RAD18: variants seen among roughly 807,000 people sequenced by gnomAD.
The protein encoded by RAD18 is RAD18 E3 ubiquitin protein ligase, also known as E3 ubiquitin-protein ligase RAD18.
A neutral mutation model predicts 60.4 loss-of-function variants in RAD18; 47 were observed. The ratio of observed to expected loss-of-function variants is 0.78; its 90% CI spans 0.62 to 0.99. The LOEUF is 0.99. Ranked by LOEUF, RAD18 falls within the 50% of genes least tolerant of loss-of-function variation. The pLI is 0.00. For synonymous variants in RAD18, 225 were observed against 195.5 expected (o/e 1.15, Z -1.26); for missense variants, 640 against 593.3 (o/e 1.08, Z -0.82).
intron 11 of RAD18, among the ~76,000 whole-genome samples, chr3:8,893,861 T>C (rs986915798): frequency 3.3e-5 from 5 of 152,004 alleles, no homozygotes; most frequent in Non-Finnish European, 7.4e-5. Flanking sequence ...GGCTAATTTT[T>C]AAATATTTTG....
chr3:8,953,567 T>C (rs2124842837), intron 2 of RAD18, among the ~76,000 whole-genome samples: 1 of 152,310 alleles, frequency 6.6e-6, no homozygotes, highest in South Asian at 2.1e-4. Flanking sequence ...AGTTTTGAAT[T>C]CATGTATTCC....
At chr3:8,938,719 A>T (rs1940693973) in intron 6 of RAD18, among the ~76,000 whole-genome samples, 1 of 152,150 alleles carries the variant, frequency 6.6e-6, no homozygotes, top group Non-Finnish European at 1.5e-5. Context: ...CTGAAGGCTT[A>T]AACTCCTATT....
chr3:8,961,491 GT>G (rs1462087474), intron 1 of RAD18, among the ~76,000 whole-genome samples: 1 of 152,206 alleles, frequency 6.6e-6, no homozygotes, highest in East Asian at 1.9e-4. Flanking sequence ...AGACTCCAAA[GT>G]CTTTCTGTGA....
intron 7 of RAD18, among the ~76,000 whole-genome samples, chr3:8,916,094 A>G (rs1940195665): frequency 6.6e-6 from 1 of 152,250 alleles, no homozygotes; most frequent in South Asian, 2.1e-4. Context: ...ACGAAAGGTC[A>G]GCAAAAATGT....
At chr3:8,909,474 G>A (rs1212799969) in intron 9 of RAD18, among the ~76,000 whole-genome samples, 1 of 151,020 alleles carries the variant, frequency 6.6e-6, no homozygotes, top group Non-Finnish European at 1.5e-5. Flanking sequence ...ATATTTAGAA[G>A]ATAGAGACTG....
At position 8,943,834 on chromosome 3, in the gene RAD18, G is replaced by A. The variant is rs79324364; in HGVS notation, c.267-2030C>T. On this transcript the variant is annotated intron_variant, in intron 4 of 12. Transcript: ENST00000264926. Reference sequence around the variant, plus strand: ...AAACTGAACGATAGCATGAAGGGTTGCCAAAACTGTCCCTGGAGGGAAAAT... The same window carrying A: ...AAACTGAACGATAGCATGAAGGGTTACCAAAACTGTCCCTGGAGGGAAAAT... 7.0e-3 allele frequency among the ~76,000 whole-genome samples: 1,067 copies of A among 152,288 alleles called. 9 individuals are homozygous for A. The highest frequency in any genetic ancestry group is 0.023 in the African/African-American group (961 of 41,570).
In RAD18 at chr3:8,899,775, C is replaced by A. The variant is rs148245043; in HGVS notation, c.1169-728G>T. ...TTCTTTAGTGCCCAGGATTCTCCCA[C>A]TCATCATGAACGCTGCTGGGATTTT... On this transcript the variant is annotated intron_variant, in intron 10 of 12. Transcript: ENST00000264926. 3.3e-3 allele frequency among the ~76,000 whole-genome samples: 507 copies of A among 152,296 alleles called. 3 individuals are homozygous for A. The highest frequency in any genetic ancestry group is 0.012 in the African/African-American group (483 of 41,560).
intron 12 of RAD18, among the ~76,000 whole-genome samples, chr3:8,881,984 A>G (rs1167062310): frequency 6.6e-6 from 1 of 152,242 alleles, no homozygotes; most frequent in Non-Finnish European, 1.5e-5. Context: ...TTTCTTAAAT[A>G]CAGGCTAGTA....
chr3:8,940,685 A>C (rs1940732281), intron 5 of RAD18, among the ~76,000 whole-genome samples: 1 of 152,236 alleles, frequency 6.6e-6, no homozygotes, highest in African/African-American at 2.4e-5. Context: ...GATACAAAAC[A>C]GTCCAGAAAA....
intron 11 of RAD18, among the ~76,000 whole-genome samples, chr3:8,891,175 G>A (rs1428164228): frequency 6.6e-6 from 1 of 151,750 alleles, no homozygotes; most frequent in African/African-American, 2.4e-5. Flanking sequence ...ACCCTTTGGG[G>A]GTGATACTGC....
chr3:8,911,655 G>A (rs1039020128), intron 9 of RAD18, among the ~76,000 whole-genome samples: 8 of 152,100 alleles, frequency 5.3e-5, no homozygotes, highest in Non-Finnish European at 1.2e-4. Flanking sequence ...GCCCTTCAGA[G>A]TTTAAGAAAT....
chr3:8,914,302 A>C (rs1940158822), intron 7 of RAD18, among the ~76,000 whole-genome samples: 1 of 152,246 alleles, frequency 6.6e-6, no homozygotes, highest in Non-Finnish European at 1.5e-5. Flanking sequence ...ATCCAAAGTC[A>C]ATACATTAAA....
chr3:8,940,752 T>A (rs915871944), intron 5 of RAD18, among the ~76,000 whole-genome samples: 3 of 152,132 alleles, frequency 2.0e-5, no homozygotes, highest in Admixed American at 1.3e-4. Context: ...AACAAATGAA[T>A]AGTGAGGATC....
rs145569132 is a variant in RAD18 at position 8,905,227 on chromosome 3, G to A, written c.1028-2707C>T. The stretch of plus-strand genomic sequence containing the variant: ...TGGGAGTGTCCATGACTAAGTACAC[G>A]TTCAATCAACTCATTTTCTTCCAGA... On this transcript the variant is annotated intron_variant, in intron 9 of 12. Coordinates refer to ENST00000264926, the MANE Select transcript of RAD18 (RefSeq NM_020165.4). Among the ~76,000 whole-genome samples, 483 of 152,282 alleles carry A rather than the reference G, an allele frequency of 3.2e-3. 2 individuals are homozygous for A. Among genetic ancestry groups the A allele is most frequent in the Non-Finnish European group, 4.7e-3 (319 of 68,018 alleles).
chr3:8,929,214 A>T (rs1575551628), intron 7 of RAD18, among the ~76,000 whole-genome samples: 1 of 152,124 alleles, frequency 6.6e-6, no homozygotes, highest in African/African-American at 2.4e-5. Context: ...AAGTAGAAAG[A>T]AGGAAATCAT....
At chr3:8,888,025 T>C (rs1474762876) in intron 12 of RAD18, among the ~76,000 whole-genome samples, 1 of 152,174 alleles carries the variant, frequency 6.6e-6, no homozygotes, top group African/African-American at 2.4e-5. Flanking sequence ...ACCACTCCTA[T>C]AGCTTGGAGC....
intron 7 of RAD18, among the ~76,000 whole-genome samples, chr3:8,929,273 A>G (rs1017912814): frequency 2.0e-5 from 3 of 152,112 alleles, no homozygotes; most frequent in Non-Finnish European, 4.4e-5. Context: ...AACTGAGAAA[A>G]AGCAATTTGA....
At chr3:8,957,989 T>G (rs1167933895) in intron 2 of RAD18, among the ~76,000 whole-genome samples, 1 of 152,266 alleles carries the variant, frequency 6.6e-6, no homozygotes, top group African/African-American at 2.4e-5. Context: ...TGGTTTTTAA[T>G]GTGAATCTTG....
chr3:8,960,707 G>A (rs1941083153), intron 1 of RAD18, among the ~76,000 whole-genome samples: 1 of 152,138 alleles, frequency 6.6e-6, no homozygotes, highest in Non-Finnish European at 1.5e-5. Flanking sequence ...AAAGTCTACA[G>A]AGTTCCTAAG....
Sources: allele counts gnomAD v4.1 joint callset (sites outside exome capture counted in the v4.1 genomes callset), GRCh38; gene constraint gnomAD v4.1.1; transcripts MANE v1.5; gene names NCBI Gene and HGNC (gene_info 2026-07-23, HGNC 2026-07-21).